Variants in COL18A1 observed in about 807,000 individuals in gnomAD.
COL18A1 encodes the protein collagen type XVIII alpha 1 chain.
COL18A1 carries 133 observed loss-of-function variants against 168.0 expected under a neutral mutation model. That is an observed-to-expected ratio of 0.79 (90% CI 0.69 to 0.91). The LOEUF (loss-of-function observed/expected upper bound fraction) is 0.91. Ranked by LOEUF, COL18A1 falls within the 40% of genes least tolerant of loss-of-function variation. COL18A1 has a pLI of 0.00. For synonymous variants in COL18A1, 949 were observed against 809.0 expected (o/e 1.17, Z -2.94); for missense variants, 2,126 against 1,925.4 (o/e 1.10, Z -1.95).
chr21:45,476,021 G>A (rs999459323), intron 5 of COL18A1, among the ~76,000 whole-genome samples: 1 of 152,330 alleles, frequency 6.6e-6, no homozygotes, highest in East Asian at 1.9e-4. Flanking sequence ...GGTGCTGTCC[G>A]TGAGAGACGG....
At position 45,497,583 on chromosome 21, in the gene COL18A1, G is replaced by A; in HGVS notation, c.2621-16G>A. On this transcript the variant is annotated splice_polypyrimidine_tract_variant and intron_variant, in intron 31 of 41. Transcript: ENST00000651438. The stretch of plus-strand genomic sequence containing the variant: ...CTGGCACATTCCTGATGGGCACTGG[G>A]TCTCTCTTCCTCCAGGGAATCAGGG... 2 of 1,555,970 alleles carry A rather than the reference G, an allele frequency of 1.3e-6. No individual in the cohort carries two copies. The highest frequency in any genetic ancestry group is 1.7e-6 in the Non-Finnish European group (2 of 1,150,156).
intron 1 of COL18A1, 23 bp from the exon 2 acceptor site, chr21:45,405,356 T>TGACCC: frequency 2.0e-6 from 2 of 993,616 alleles, no homozygotes; most frequent in Non-Finnish European, 1.2e-6. Flanking sequence ...CTGCGGGGTC[T>TGACCC]GACCCGTGCC....
Position 45,468,596 on chromosome 21 carries a change from G to T in COL18A1, c.461G>T (p.Arg154Leu). The T allele has an allele frequency of 6.2e-7, 1 of 1,613,750 alleles. No homozygotes were observed. The highest frequency in any genetic ancestry group is 8.5e-7 in the Non-Finnish European group (1 of 1,180,014). The change falls in exon 3 of 42, where the codon CGG (arginine) becomes CTG (leucine). Residue 154 changes from arginine to leucine, a missense_variant. Arg to Leu is a moderately radical substitution (Grantham distance 102, BLOSUM62 -2). Coordinates refer to ENST00000651438, the MANE Select transcript of COL18A1 (RefSeq NM_001379500.1). The stretch of plus-strand genomic sequence containing the variant: ...CAGACCCACACAGCCGCCAGCTTCC[G>T]GCTCCCCGCCTTCGTCGGCCAGTGG... Reference protein sequence around the residue: ...AGQTHTAASFRLPAFVGQWTH... With the variant: ...AGQTHTAASFLLPAFVGQWTH...
At chr21:45,476,939 G>A (rs1380313244) in intron 6 of COL18A1, among the ~76,000 whole-genome samples, 1 of 151,812 alleles carries the variant, frequency 6.6e-6, no homozygotes, top group Non-Finnish European at 1.5e-5. Context: ...GTGTGTGTGT[G>A]TGTGTGTGTG....
rs539538633 is a variant in COL18A1, at chr21:45,452,865, T to G, written c.107-15377T>G. Among the ~76,000 whole-genome samples, 22 of 152,354 alleles carry G rather than the reference T, an allele frequency of 1.4e-4. 1 individual carries two copies. In the South Asian group the frequency reaches 4.6e-3, roughly 32 times the overall value. ...AACATGTATGTATGTGTGGGGCTTG[T>G]GTATGCATGTGAGTATTCACATGTG... On this transcript the variant is annotated intron_variant, in intron 2 of 41. Transcript: ENST00000651438.
At chr21:45,505,095 A>G in intron 34 of COL18A1, 39 bp from the exon 35 acceptor site, 1 of 1,598,446 alleles carries the variant, frequency 6.3e-7, no homozygotes, top group Non-Finnish European at 8.5e-7. Context: ...AGTCCAGGGC[A>G]CGAGGTAACC....
At chr21:45,468,835 G>T in intron 3 of COL18A1, 49 bp downstream of exon 3, 2 of 1,430,836 alleles carry the variant, frequency 1.4e-6, no homozygotes, top group Non-Finnish European at 1.9e-6. Context: ...CTGGGATGGG[G>T]TGGGGTGGGG....
At chr21:45,494,026 C>T (rs981528916) in intron 26 of COL18A1, 18 of 253,018 alleles carry the variant, frequency 7.1e-5, no homozygotes, top group Non-Finnish European at 1.1e-4. Flanking sequence ...AGCAGGCAGC[C>T]GCCCAGAAAA....
intron 18 of COL18A1, among the ~76,000 whole-genome samples, chr21:45,488,690 A>T (rs931588416): frequency 1.3e-5 from 2 of 152,268 alleles, no homozygotes; most frequent in Middle Eastern, 6.8e-3. Context: ...CCAGGAATCA[A>T]GATTCCTGGG....
At position 45,411,778 on chromosome 21, in the gene COL18A1, A is replaced by AGGGGGGGGGG. The variant is rs1569273645; in HGVS notation, c.106+6307_106+6308insGGGGGGGGGG. ...TGATGGCGGGGGGTGGGGGGGGGGC[A>AGGGGGGGGGG]GGCTGTGGTCAGGGACCTGCAGGAG... On this transcript the variant is annotated intron_variant, in intron 2 of 41. Coordinates refer to ENST00000651438, the MANE Select transcript of COL18A1 (RefSeq NM_001379500.1). Among the ~76,000 whole-genome samples, 19 of 108,304 alleles carry AGGGGGGGGGG rather than the reference A, an allele frequency of 1.8e-4. 1 individual carries two copies. The highest frequency in any genetic ancestry group is 7.8e-4 in the East Asian group (1 of 1,290). The allele number at this position is 108,304 out of a possible 152,430, so 71.1% of individuals were successfully genotyped here. A position where few individuals can be genotyped will look rare whatever the true frequency, so the allele number is the denominator to read the frequency against.
At chr21:45,488,157 T>C (rs1259938877) in intron 17 of COL18A1, among the ~76,000 whole-genome samples, 2 of 152,210 alleles carry the variant, frequency 1.3e-5, no homozygotes, top group Non-Finnish European at 2.9e-5. Flanking sequence ...AGCTTCATGC[T>C]CAGAGACTCA....
At chr21:45,506,191 G>C (rs956477124) in intron 37 of COL18A1, 2 of 588,924 alleles carry the variant, frequency 3.4e-6, no homozygotes, top group African/African-American at 3.7e-5. Context: ...ATGAACACAT[G>C]GCGTGTGAGG....
At position 45,443,953 on chromosome 21, in the gene COL18A1, C is replaced by G. The variant is rs1459789951; in HGVS notation, c.107-24289C>G. Among the ~76,000 whole-genome samples the G allele has an allele frequency of 1.3e-5, 2 of 152,154 alleles. No homozygotes were observed. The highest frequency in any genetic ancestry group is 6.5e-5 in the Admixed American group (1 of 15,286). On this transcript the variant is annotated intron_variant, in intron 2 of 41. Transcript: ENST00000651438. This position sits in a 1 kb window ranked among gnomAD's most constrained non-coding sequence, Gnocchi z 5.2. The stretch of plus-strand genomic sequence containing the variant: ...GACTGCCTGTCCTCTTTTGGGTGGC[C>G]AGGATGTCACAGGGCGAGTAGGTGT...
At chr21:45,462,096 C>T (rs1209761233) in intron 2 of COL18A1, among the ~76,000 whole-genome samples, 1 of 152,194 alleles carries the variant, frequency 6.6e-6, no homozygotes, top group East Asian at 1.9e-4. Context: ...TGGTCCACTG[C>T]CTTTTGGCTT....
chr21:45,511,964 G>A (rs1035516605), intron 41 of COL18A1, among the ~76,000 whole-genome samples: 2 of 152,096 alleles, frequency 1.3e-5, no homozygotes, highest in Non-Finnish European at 2.9e-5. Flanking sequence ...CCTCTGCCGT[G>A]GGTGTGTCTG....
intron 2 of COL18A1, among the ~76,000 whole-genome samples, chr21:45,426,440 G>C (rs1187215032): frequency 6.6e-6 from 1 of 152,144 alleles, no homozygotes; most frequent in Non-Finnish European, 1.5e-5. Context: ...CCCTGGTTCA[G>C]CGTGGCGAGG....
rs1602455490 is a variant in COL18A1, at chr21:45,468,138, C to T, written c.107-104C>T. The T allele has an allele frequency of 7.1e-6, 9 of 1,274,730 alleles. No individual in the cohort carries two copies. The East Asian group carries it at 1.9e-4, about 27-fold the overall frequency. The allele number at this position is 1,274,730 out of a possible 1,614,324, so 79.0% of individuals were successfully genotyped here. On this transcript the variant is annotated intron_variant, in intron 2 of 41. Coordinates refer to ENST00000651438, the MANE Select transcript of COL18A1 (RefSeq NM_001379500.1). ...GGCACGTGGAGAGCCCTCCCAGACT[C>T]AGTTTCTCCTTTCTGCCCCTGCCTG... is the stretch of plus-strand genomic sequence containing the variant.
Position 45,476,409 on chromosome 21 carries a change from C to G in COL18A1, c.857C>G (p.Ala286Gly), listed in dbSNP as rs763764131. The G allele has an allele frequency of 8.1e-6, 13 of 1,614,062 alleles. No individual in the cohort carries two copies. In the African/African-American group the frequency reaches 1.7e-4, roughly 22 times the overall value. The change falls in exon 6 of 42, where the codon GCT (alanine) becomes GGT (glycine). Residue 286 changes from alanine (A) to glycine (G), a missense_variant. Transcript: ENST00000651438. Reference protein sequence around the residue: ...APPPVTTPPLAGGSSTEDSRS... With the variant: ...APPPVTTPPLGGGSSTEDSRS... ...CCCCCCGTCACCACGCCACCCTTGG[C>G]TGGAGGCAGCAGCACGGAAGATTCC...
chr21:45,456,763 C>T lies in COL18A1; in HGVS notation c.107-11479C>T, dbSNP rs764709181. On this transcript the variant is annotated intron_variant, in intron 2 of 41. Transcript: ENST00000651438. The stretch of plus-strand genomic sequence containing the variant: ...CCGCCCCGCCACCCTGCTGCCAGTT[C>T]TGCGAGGCCCTGCAGGATGCGTGTT... The T allele has an allele frequency of 1.8e-5, 28 of 1,540,844 alleles. 1 individual carries two copies. In the South Asian group the frequency reaches 3.2e-4, roughly 18 times the overall value.
Sources: gnomAD v4.1 joint callset for allele counts (sites outside exome capture counted in the v4.1 genomes callset) on GRCh38, gnomAD v4.1.1 for gene constraint, Gnocchi (gnomAD v3.1) non-coding constraint, MANE v1.5 for transcripts, NCBI Gene and HGNC (gene_info 2026-07-23, HGNC 2026-07-21) for gene names.